BMP8A: variants seen among roughly 807,000 people sequenced by gnomAD.
BMP8A encodes the protein bone morphogenetic protein 8a.
In BMP8A, 14 loss-of-function variants were observed where a neutral mutation model predicts 36.8. The observed-to-expected ratio is 0.38, with a 90% CI of 0.25 to 0.60. BMP8A has a LOEUF of 0.60. BMP8A is among the 20% of genes least tolerant of loss of function. The probability of loss-of-function intolerance (pLI) is 0.63; values close to 1 mark genes in which losing one functional copy is unlikely to be tolerated. For missense variants in BMP8A, 267 were observed against 551.1 expected (o/e 0.48, Z 5.16); for synonymous variants, 120 against 237.7 (o/e 0.50, Z 4.55).
chr1:39,500,085 C>T (rs1645240474), intron 1 of BMP8A, among the ~76,000 whole-genome samples: 1 of 152,206 alleles, frequency 6.6e-6, no homozygotes, highest in Non-Finnish European at 1.5e-5. Flanking sequence ...TCCTCATACA[C>T]CTCAGCCCCC....
intron 6 of BMP8A, chr1:39,523,413 G>A (rs552734606): frequency 1.0e-4 from 105 of 1,033,368 alleles, no homozygotes; most frequent in African/African-American, 8.4e-4. Context: ...ACCTGCGTGC[G>A]GCGCTCAGAG....
At chr1:39,495,259 G>C (rs971613336) in intron 1 of BMP8A, among the ~76,000 whole-genome samples, 4 of 152,212 alleles carry the variant, frequency 2.6e-5, no homozygotes, top group Admixed American at 6.5e-5. Flanking sequence ...CAGCCTGTGG[G>C]ACCCAGAGGG....
In BMP8A at chr1:39,527,230, T is replaced by G. The variant is rs1281796461; in HGVS notation, c.*1432T>G. 6.6e-6 allele frequency among the ~76,000 whole-genome samples: 1 copy of G among 152,132 alleles called. No individual in the cohort carries two copies. The highest frequency in any genetic ancestry group is 2.4e-5 in the African/African-American group (1 of 41,438). On this transcript the variant is annotated 3_prime_UTR_variant, in exon 7 of 7. Coordinates refer to ENST00000331593, the MANE Select transcript of BMP8A (RefSeq NM_181809.4). ...GTCCCAGGGAGTGACAGGCAGTAAT[T>G]AGGCTGAGTTGGGTGGGGAGGTTTG...
intron 1 of BMP8A, among the ~76,000 whole-genome samples, chr1:39,499,510 C>T (rs1295874851): frequency 6.6e-6 from 1 of 152,236 alleles, no homozygotes; most frequent in Non-Finnish European, 1.5e-5. Context: ...GACTAAATTG[C>T]CCAGAGCACA....
At chr1:39,509,497 C>T (rs1182691995) in intron 1 of BMP8A, among the ~76,000 whole-genome samples, 1 of 152,144 alleles carries the variant, frequency 6.6e-6, no homozygotes, top group East Asian at 1.9e-4. Context: ...GGCTCTCAGG[C>T]GAGCTTTTGC....
rs1011583707 is a variant in BMP8A at position 39,526,857 on chromosome 1, C to G, written c.*1059C>G. On this transcript the variant is annotated 3_prime_UTR_variant, in exon 7 of 7. Coordinates refer to ENST00000331593, the MANE Select transcript of BMP8A (RefSeq NM_181809.4). ...TAGGCTGGCACAGAGCAAATGCCCCCGCAGCCTGCTCCCCTTGCCCATGGC... is the reference window on the plus strand; with the variant it reads ...TAGGCTGGCACAGAGCAAATGCCCCGGCAGCCTGCTCCCCTTGCCCATGGC... Among the ~76,000 whole-genome samples, 1 of 152,212 alleles carries G rather than the reference C, an allele frequency of 6.6e-6. No homozygotes were observed. Among genetic ancestry groups the G allele is most frequent in the East Asian group, 1.9e-4 (1 of 5,204 alleles).
In BMP8A at chr1:39,502,260, A is replaced by G. The variant is rs540572611; in HGVS notation, c.335-8914A>G. 8.6e-5 allele frequency among the ~76,000 whole-genome samples: 13 copies of G among 151,868 alleles called. No individual in the cohort carries two copies. In the East Asian group the frequency reaches 2.1e-3, roughly 25 times the overall value. ...CAAAAAAAAAAAAAAAAGAAAAGGA[A>G]ACCCCACACTGGACTGGAATTGGAG... On this transcript the variant is annotated intron_variant, in intron 1 of 6. Transcript: ENST00000331593.
At chr1:39,525,509 A>G (rs1645473865) in intron 6 of BMP8A, 140 bp from the exon 7 acceptor site, 3 of 1,214,704 alleles carry the variant, frequency 2.5e-6, no homozygotes, top group South Asian at 1.5e-5. Context: ...ATTCCTGTTA[A>G]TAATTCTTAT....
chr1:39,500,911 G>C (rs1020819359), intron 1 of BMP8A, among the ~76,000 whole-genome samples: 14 of 152,048 alleles, frequency 9.2e-5, no homozygotes, highest in Admixed American at 9.2e-4. Context: ...GCCTCAGCCT[G>C]CCAAAGTGCT....
intron 1 of BMP8A, among the ~76,000 whole-genome samples, chr1:39,493,461 G>C (rs1409739481): frequency 6.6e-6 from 1 of 152,334 alleles, no homozygotes; most frequent in Non-Finnish European, 1.5e-5. Context: ...TGACATTTCT[G>C]TTGTCAGGTC....
chr1:39,519,829 CGT>C (rs1279281029), intron 3 of BMP8A, among the ~76,000 whole-genome samples: 2 of 142,300 alleles, frequency 1.4e-5, no homozygotes, highest in Non-Finnish European at 3.1e-5. Flanking sequence ...TGTGTACATA[CGT>C]GTGTACATCT....
rs531418941 is a variant in BMP8A, at chr1:39,510,999, C to T, written c.335-175C>T. Reference sequence around the variant, plus strand: ...GGGCCTCTTGGCCCTGTCTACACCCCGGGACCAAGCCTGGAACAAACGTTT... The same window carrying T: ...GGGCCTCTTGGCCCTGTCTACACCCTGGGACCAAGCCTGGAACAAACGTTT... On this transcript the variant is annotated intron_variant, in intron 1 of 6. Transcript: ENST00000331593. Among the ~76,000 whole-genome samples the T allele has an allele frequency of 7.2e-5, 11 of 152,306 alleles. No individual in the cohort carries two copies. The South Asian group carries it at 1.9e-3, about 26-fold the overall frequency.
intron 1 of BMP8A, among the ~76,000 whole-genome samples, chr1:39,505,211 C>T (rs1645291291): frequency 6.6e-6 from 1 of 152,144 alleles, no homozygotes; most frequent in African/African-American, 2.4e-5. Flanking sequence ...TTCCATGAGG[C>T]CATATCTCAG....
chr1:39,526,207 C>A lies in BMP8A; in HGVS notation c.*409C>A, dbSNP rs894379489. On this transcript the variant is annotated 3_prime_UTR_variant, in exon 7 of 7. Coordinates refer to ENST00000331593, the MANE Select transcript of BMP8A (RefSeq NM_181809.4). ...TGCCTCTTCCCAGGTACAACACTGG[C>A]CATTTCTGGGCAAAATTGGACACGC... is the stretch of plus-strand genomic sequence containing the variant. Among the ~76,000 whole-genome samples the A allele has an allele frequency of 6.6e-6, 1 of 152,198 alleles. No homozygotes were observed. The highest frequency in any genetic ancestry group is 1.5e-5 in the Non-Finnish European group (1 of 68,044).
At chr1:39,515,110 A>T in intron 3 of BMP8A, 9 of 1,581,066 alleles carry the variant, frequency 5.7e-6, no homozygotes, top group Non-Finnish European at 7.7e-6. Flanking sequence ...ATGGTGAAGG[A>T]CATCTCTGAC....
At chr1:39,509,942 C>T (rs568843640) in intron 1 of BMP8A, among the ~76,000 whole-genome samples, 9 of 152,260 alleles carry the variant, frequency 5.9e-5, no homozygotes, top group Admixed American at 1.3e-4. Context: ...CGGATATTTC[C>T]GGACACCTGG....
chr1:39,508,267 AAAAAG>A (rs1329935641), intron 1 of BMP8A, among the ~76,000 whole-genome samples: 1 of 151,854 alleles, frequency 6.6e-6, no homozygotes, highest in African/African-American at 2.4e-5. Context: ...AAAAAAAAGA[AAAAAG>A]AAAAAAAGAA....
At chr1:39,519,496 C>T (rs1219102378) in intron 3 of BMP8A, among the ~76,000 whole-genome samples, 2 of 144,356 alleles carry the variant, frequency 1.4e-5, no homozygotes, top group Non-Finnish European at 3.1e-5. Context: ...CTGCAGCTCA[C>T]AGCCTCCCTG....
chr1:39,527,760 T>C lies in BMP8A; in HGVS notation c.*1962T>C, dbSNP rs1180343. On this transcript the variant is annotated 3_prime_UTR_variant, in exon 7 of 7. Transcript: ENST00000331593. ...CCTGAGTGTTAGGAGACAGGTATTC[T>C]GGTTCCAACTCAGCCACTGACTTGG... Among the ~76,000 whole-genome samples the C allele has an allele frequency of 0.4, 60,566 of 152,194 alleles. 13,236 individuals are homozygous for C. The highest frequency in any genetic ancestry group is 0.71 in the South Asian group (3,437 of 4,832).
Sources: allele counts gnomAD v4.1 joint callset (sites outside exome capture counted in the v4.1 genomes callset), GRCh38; gene constraint gnomAD v4.1.1; transcripts MANE v1.5; gene names NCBI Gene and HGNC (gene_info 2026-07-23, HGNC 2026-07-21).